GRID2IP: variants seen among roughly 807,000 people sequenced by gnomAD.
The protein encoded by GRID2IP is delphilin.
A neutral mutation model predicts 114.3 loss-of-function variants in GRID2IP; 78 were observed. That is an observed-to-expected ratio of 0.68 (90% CI 0.57 to 0.82). GRID2IP has a LOEUF of 0.82. Among genes scored for constraint, GRID2IP ranks in the 40% least tolerant of loss-of-function variants. The probability of loss-of-function intolerance (pLI) is 0.00; values close to 1 mark genes in which losing one functional copy is unlikely to be tolerated. For missense variants in GRID2IP, 1,727 were observed against 1,678.5 expected (o/e 1.03, Z -0.51); for synonymous variants, 809 against 724.0 (o/e 1.12, Z -1.89).
intron 2 of GRID2IP, among the ~76,000 whole-genome samples, chr7:6,535,397 C>CT (rs1779708044): frequency 6.6e-6 from 1 of 152,236 alleles, no homozygotes; most frequent in South Asian, 2.1e-4. Context: ...TTCATGGTGT[C>CT]ACTGCTCCCT....
rs1028172584 is a variant in GRID2IP, at chr7:6,508,079, C to T, written c.2450G>A (p.Gly817Asp). ...VPCAPPMLSR[G>D]LGHRRSETSH... ...GGTCTCACTGCGCCGGTGGCCCAGG[C>T]CCCGGGACAGCATGGGGGGTGCACA... The change falls in exon 13 of 22, where the codon GGC becomes GAC. Residue 817 changes from glycine (G) to aspartate (D), a missense_variant. Coordinates refer to ENST00000457091, the MANE Select transcript of GRID2IP (RefSeq NM_001145118.2). The surrounding 1 kb of genome is among the most constrained non-coding windows in gnomAD (Gnocchi z 5.6). The T allele has an allele frequency of 5.8e-6, 9 of 1,546,806 alleles. No homozygotes were observed. Among genetic ancestry groups the T allele is most frequent in the Non-Finnish European group, 7.0e-6 (8 of 1,146,416 alleles).
At chr7:6,527,054 C>A (rs1779528648) in intron 2 of GRID2IP, among the ~76,000 whole-genome samples, 2 of 152,104 alleles carry the variant, frequency 1.3e-5, no homozygotes, top group Non-Finnish European at 2.9e-5. Context: ...GGGCCCGAGC[C>A]CCTCAAAGCC....
intron 1 of GRID2IP, among the ~76,000 whole-genome samples, chr7:6,548,186 CT>C (rs1488800800): frequency 6.6e-6 from 1 of 152,048 alleles, no homozygotes; most frequent in Non-Finnish European, 1.5e-5. Context: ...AACCGTGTCT[CT>C]ACTATAAATA....
intron 1 of GRID2IP, among the ~76,000 whole-genome samples, chr7:6,545,938 G>T (rs1001445669): frequency 3.3e-5 from 5 of 152,138 alleles, no homozygotes; most frequent in African/African-American, 9.7e-5. Flanking sequence ...ATGGCTGGCT[G>T]CAGAGATGTT....
chr7:6,520,647 A>G lies in GRID2IP; in HGVS notation c.1199T>C (p.Leu400Pro). 1 of 1,551,728 alleles carries G rather than the reference A, an allele frequency of 6.4e-7. No individual in the cohort carries two copies. Among genetic ancestry groups the G allele is most frequent in the Non-Finnish European group, 8.7e-7 (1 of 1,146,992 alleles). Residue 400 changes from leucine to proline, a missense_variant, in exon 7 of 22, where the codon CTG (leucine) becomes CCG (proline). By Grantham distance (98) the Leu-to-Pro change is moderately conservative. Transcript: ENST00000457091. This position sits in a 1 kb window ranked among gnomAD's most constrained non-coding sequence, Gnocchi z 4.6. ...RVQGRTFSQQ[L>P]EHLLTPPERY... ...CTCAGGAGGTGTGAGTAGGTGCTCC[A>G]GCTGCTGGCTGAAGGTCCTCCCTTG...
At chr7:6,533,825 A>AT (rs1183744335) in intron 2 of GRID2IP, among the ~76,000 whole-genome samples, 2 of 150,254 alleles carry the variant, frequency 1.3e-5, no homozygotes, top group African/African-American at 4.9e-5. Flanking sequence ...TTTTATATGT[A>AT]TTTTTTGTAG....
intron 1 of GRID2IP, among the ~76,000 whole-genome samples, chr7:6,545,984 C>CT (rs1199565826): frequency 6.6e-6 from 1 of 152,078 alleles, no homozygotes; most frequent in African/African-American, 2.4e-5. Context: ...TTCCTCCCTC[C>CT]TGGGGCCCGT....
At chr7:6,531,108 G>T (rs1487916721) in intron 2 of GRID2IP, 15 of 541,580 alleles carry the variant, frequency 2.8e-5, no homozygotes, top group Non-Finnish European at 4.2e-5. Context: ...CCCATCTGGA[G>T]CCGGGGACCG....
intron 1 of GRID2IP, 149 bp downstream of exon 1, chr7:6,550,859 T>A (rs911977022): frequency 9.5e-6 from 9 of 946,872 alleles, no homozygotes; most frequent in Non-Finnish European, 1.2e-5. Flanking sequence ...GTTTGCAAGG[T>A]TTTGAAGTTG....
At chr7:6,512,395 A>T (rs1404055091) in intron 8 of GRID2IP, among the ~76,000 whole-genome samples, 1 of 149,002 alleles carries the variant, frequency 6.7e-6, no homozygotes, top group Non-Finnish European at 1.5e-5. Context: ...CTAATTTCAA[A>T]TTTTTTTGCT....
rs1440724509 is a variant in GRID2IP at position 6,509,446 on chromosome 7, G to A, written c.1772-133C>T. 6.3e-6 allele frequency: 5 copies of A among 789,750 alleles called. No individual in the cohort carries two copies. The highest frequency in any genetic ancestry group is 7.4e-6 in the Non-Finnish European group (4 of 538,742). 48.9% of individuals were successfully genotyped at this position (789,750 alleles called of 1,614,324 possible). ...TCTCCTTTCCCTCTCTGGGCACAGTGCAGGAAGACCTTGAGCGGCCCTGCC... is the reference window on the plus strand; with the variant it reads ...TCTCCTTTCCCTCTCTGGGCACAGTACAGGAAGACCTTGAGCGGCCCTGCC... On this transcript the variant is annotated intron_variant, in intron 11 of 21. Transcript: ENST00000457091. This position sits in a 1 kb window ranked among gnomAD's most constrained non-coding sequence, Gnocchi z 4.9.
intron 8 of GRID2IP, 30 bp from the exon 9 acceptor site, chr7:6,511,069 T>G (rs1387151696): frequency 1.5e-5 from 21 of 1,376,270 alleles, no homozygotes; most frequent in Non-Finnish European, 2.0e-5. Context: ...CATGGGGCCC[T>G]CTTGCCCTCT....
chr7:6,514,832 A>G (rs1779261856), intron 7 of GRID2IP, among the ~76,000 whole-genome samples: 1 of 151,486 alleles, frequency 6.6e-6, no homozygotes, highest in Non-Finnish European at 1.5e-5. Context: ...CACACCTGTA[A>G]TCCCAGCTAC....
chr7:6,505,853 G>C lies in GRID2IP; in HGVS notation c.2599C>G (p.Leu867Val). ...KLSDMVKYLD[L>V]ELHFGTQKPA... is the part of the protein sequence containing the mutation. ...TTCTGGGTGCCGAAGTGGAGCTCCA[G>C]GTCGAGGTATTTCACCATGTCACTC... Residue 867 changes from leucine to valine, a missense_variant, in exon 14 of 22, where the codon CTG (leucine) becomes GTG (valine). Coordinates refer to ENST00000457091, the MANE Select transcript of GRID2IP (RefSeq NM_001145118.2). The C allele has an allele frequency of 6.4e-7, 1 of 1,552,104 alleles. No individual in the cohort carries two copies. Among genetic ancestry groups the C allele is most frequent in the Non-Finnish European group, 8.7e-7 (1 of 1,147,014 alleles).
intron 8 of GRID2IP, among the ~76,000 whole-genome samples, chr7:6,511,646 T>C (rs771968471): frequency 1.3e-5 from 2 of 152,124 alleles, no homozygotes; most frequent in Non-Finnish European, 2.9e-5. Flanking sequence ...GTGCTGGGAT[T>C]ACAGGTGTGA....
chr7:6,548,656 T>G (rs1428839234), intron 1 of GRID2IP, among the ~76,000 whole-genome samples: 2 of 151,372 alleles, frequency 1.3e-5, no homozygotes, highest in African/African-American at 4.9e-5. Flanking sequence ...ACCAATATGG[T>G]GAAACCCCAT....
At chr7:6,533,856 G>A (rs1245810588) in intron 2 of GRID2IP, among the ~76,000 whole-genome samples, 15 of 150,582 alleles carry the variant, frequency 1.0e-4, no homozygotes, top group Admixed American at 1.0e-3. Flanking sequence ...TCACTATGCT[G>A]CCCGGACTGG....
chr7:6,515,600 A>C (rs1001202561), intron 7 of GRID2IP, among the ~76,000 whole-genome samples: 8 of 151,774 alleles, frequency 5.3e-5, no homozygotes, highest in Admixed American at 1.3e-4. Context: ...CAACATGGTA[A>C]ACCCTGTTTC....
At chr7:6,533,268 G>A (rs1021595823) in intron 2 of GRID2IP, among the ~76,000 whole-genome samples, 5 of 152,146 alleles carry the variant, frequency 3.3e-5, no homozygotes, top group African/African-American at 1.2e-4. Flanking sequence ...TCTTGGGAAC[G>A]AGAGCTTCCC....
Sources: gnomAD v4.1 joint callset for allele counts (sites outside exome capture counted in the v4.1 genomes callset) on GRCh38, gnomAD v4.1.1 for gene constraint, Gnocchi (gnomAD v3.1) non-coding constraint, MANE v1.5 for transcripts, NCBI Gene and HGNC (gene_info 2026-07-23, HGNC 2026-07-21) for gene names.